OXR1: variants seen among roughly 807,000 people sequenced by gnomAD.
OXR1 encodes the protein oxidation resistance 1.
OXR1 carries 41 observed loss-of-function variants against 104.6 expected under a neutral mutation model. The observed-to-expected ratio is 0.39, with a 90% CI of 0.31 to 0.51. The LOEUF (loss-of-function observed/expected upper bound fraction) is 0.51. OXR1 is among the 20% of genes least tolerant of loss of function. The probability of loss-of-function intolerance (pLI) is 0.77; values close to 1 mark genes in which losing one functional copy is unlikely to be tolerated. For missense variants in OXR1, 955 were observed against 1,031.9 expected, an observed-to-expected ratio of 0.93 and a Z score of 1.02; for synonymous variants, 348 against 348.4, an observed-to-expected ratio of 1.00 and a Z score of 0.01.
chr8:106,503,942 C>A (rs1811984064), intron 2 of OXR1, among the ~76,000 whole-genome samples: 1 of 152,164 alleles, frequency 6.6e-6, no homozygotes, highest in African/African-American at 2.4e-5. Flanking sequence ...TCACAAAGAG[C>A]AAACTACAGA....
At chr8:106,697,596 C>T (rs879197208) in intron 7 of OXR1, 6 of 1,611,988 alleles carry the variant, frequency 3.7e-6, no homozygotes, top group South Asian at 3.3e-5. Flanking sequence ...GCCCATCATC[C>T]CAGGCTACTG....
intron 3 of OXR1, among the ~76,000 whole-genome samples, chr8:106,655,202 AAAGATT>A (rs1824945911): frequency 1.3e-5 from 2 of 152,178 alleles, no homozygotes; most frequent in African/African-American, 4.8e-5. Context: ...GCTCAGGTTC[AAAGATT>A]ACATTTTGAT....
At chr8:106,570,132 G>C (rs1817371340) in intron 3 of OXR1, among the ~76,000 whole-genome samples, 1 of 152,130 alleles carries the variant, frequency 6.6e-6, no homozygotes, top group Non-Finnish European at 1.5e-5. Context: ...CAATAAATCT[G>C]ATAATATCCA....
intron 1 of OXR1, among the ~76,000 whole-genome samples, chr8:106,281,910 A>T (rs1360374455): frequency 2.6e-5 from 4 of 151,914 alleles, no homozygotes; most frequent in Admixed American, 6.6e-5. Context: ...ATAATTTTTC[A>T]GTGAGAAAAA....
intron 2 of OXR1, among the ~76,000 whole-genome samples, chr8:106,371,730 CTACTTTGA>C (rs1816716038): frequency 6.6e-6 from 1 of 152,146 alleles, no homozygotes; most frequent in African/African-American, 2.4e-5. Flanking sequence ...ATACTGAGTT[CTACTTTGA>C]TTGTACTGTG....
chr8:106,285,441 A>G (rs1812455946), intron 1 of OXR1, among the ~76,000 whole-genome samples: 2 of 151,946 alleles, frequency 1.3e-5, no homozygotes, highest in Admixed American at 1.3e-4. Context: ...GGAAACTCAG[A>G]GTTTGTTTGT....
At chr8:106,702,650 A>G (rs1205570689) in intron 7 of OXR1, among the ~76,000 whole-genome samples, 1 of 152,100 alleles carries the variant, frequency 6.6e-6, no homozygotes, top group African/African-American at 2.4e-5. Context: ...GTAACTCAGT[A>G]TTTTACTCAG....
chr8:106,319,179 T>C (rs966808655), intron 1 of OXR1, among the ~76,000 whole-genome samples: 1 of 152,238 alleles, frequency 6.6e-6, no homozygotes, highest in Non-Finnish European at 1.5e-5. Context: ...CCATGAGATC[T>C]TCTAGCAGAA....
At chr8:106,345,387 A>G (rs949933667) in intron 1 of OXR1, among the ~76,000 whole-genome samples, 2 of 152,246 alleles carry the variant, frequency 1.3e-5, no homozygotes, top group Admixed American at 1.3e-4. Flanking sequence ...TTAAACACAT[A>G]TATTCCTGCA....
chr8:106,653,583 G>C (rs1824804075), intron 3 of OXR1, among the ~76,000 whole-genome samples: 1 of 151,912 alleles, frequency 6.6e-6, no homozygotes, highest in Non-Finnish European at 1.5e-5. Flanking sequence ...ATTAGGAATA[G>C]AATGGTGCTT....
intron 1 of OXR1, among the ~76,000 whole-genome samples, chr8:106,316,716 TC>T (rs1813961201): frequency 1.6e-5 from 1 of 60,944 alleles, no homozygotes; most frequent in Non-Finnish European, 2.9e-5. Flanking sequence ...TATCTATCTA[TC>T]ATCTATCTAT....
intron 2 of OXR1, among the ~76,000 whole-genome samples, chr8:106,517,422 G>GT (rs1427374792): frequency 3.3e-5 from 5 of 151,806 alleles, no homozygotes; most frequent in African/African-American, 4.8e-5. Flanking sequence ...GACATTTGAG[G>GT]TTTTTTTCAA....
At chr8:106,503,925 C>T (rs1811983024) in intron 2 of OXR1, among the ~76,000 whole-genome samples, 1 of 152,186 alleles carries the variant, frequency 6.6e-6, no homozygotes, top group Non-Finnish European at 1.5e-5. Context: ...GGAAGAGCTG[C>T]TTTCAGTCAC....
At chr8:106,704,698 T>C (rs2131366414) in intron 8 of OXR1, among the ~76,000 whole-genome samples, 1 of 152,176 alleles carries the variant, frequency 6.6e-6, no homozygotes, top group Non-Finnish European at 1.5e-5. Flanking sequence ...ATGCCTGGCT[T>C]TGTCCTTTTC....
chr8:106,520,968 G>A (rs1302360743), intron 3 of OXR1, among the ~76,000 whole-genome samples: 1 of 152,152 alleles, frequency 6.6e-6, no homozygotes, highest in Non-Finnish European at 1.5e-5. Flanking sequence ...GATGAACGAT[G>A]AGTTATTTTA....
At chr8:106,351,345 T>C (rs1453512893) in intron 1 of OXR1, among the ~76,000 whole-genome samples, 2 of 152,032 alleles carry the variant, frequency 1.3e-5, no homozygotes, top group Non-Finnish European at 2.9e-5. Flanking sequence ...AAGGTTGTCA[T>C]GGAATAAGAA....
chr8:106,424,119 G>A (rs1819014960), intron 2 of OXR1, among the ~76,000 whole-genome samples: 1 of 151,880 alleles, frequency 6.6e-6, no homozygotes, highest in East Asian at 1.9e-4. Context: ...TGTATTTTTA[G>A]TAGAAATGGG....
chr8:106,590,070 A>G (rs1465322007), intron 3 of OXR1, among the ~76,000 whole-genome samples: 2 of 152,240 alleles, frequency 1.3e-5, no homozygotes, highest in Non-Finnish European at 2.9e-5. Flanking sequence ...ACGACAAAAC[A>G]CATGCTTCCA....
At chr8:106,318,636 A>G (rs764218620) in intron 1 of OXR1, among the ~76,000 whole-genome samples, 5 of 152,154 alleles carry the variant, frequency 3.3e-5, no homozygotes, top group Admixed American at 3.3e-4. Flanking sequence ...CCCTTTAGTG[A>G]GGAGGGCATC....
Sources: gnomAD v4.1 joint callset for allele counts (sites outside exome capture counted in the v4.1 genomes callset) on GRCh38, gnomAD v4.1.1 for gene constraint, MANE v1.5 for transcripts, NCBI Gene and HGNC (gene_info 2026-07-23, HGNC 2026-07-21) for gene names.